EPB41L5: variants seen among roughly 807,000 people sequenced by gnomAD.
EPB41L5 encodes the protein erythrocyte membrane protein band 4.1 like 5, also known as band 4.1-like protein 5.
In EPB41L5, 55 loss-of-function variants were observed where a neutral mutation model predicts 106.6. The observed-to-expected ratio is 0.52, with a 90% CI of 0.42 to 0.65. The LOEUF (loss-of-function observed/expected upper bound fraction) is 0.65, where lower values mean the gene tolerates loss of function less well. Among genes scored for constraint, EPB41L5 ranks in the 30% least tolerant of loss-of-function variants. The probability of loss-of-function intolerance (pLI) is 0.00; values close to 1 mark genes in which losing one functional copy is unlikely to be tolerated. For missense variants in EPB41L5, 871 were observed against 882.1 expected, an observed-to-expected ratio of 0.99 and a Z score of 0.16; for synonymous variants, 297 against 306.7, an observed-to-expected ratio of 0.97 and a Z score of 0.33.
intron 20 of EPB41L5, among the ~76,000 whole-genome samples, chr2:120,159,854 G>A (rs967954083): frequency 6.6e-6 from 1 of 152,062 alleles, no homozygotes; most frequent in Non-Finnish European, 1.5e-5. Flanking sequence ...TTTAAAATGT[G>A]GTATGTACAC....
At chr2:120,077,960 G>A (rs1002026937) in intron 9 of EPB41L5, among the ~76,000 whole-genome samples, 3 of 151,262 alleles carry the variant, frequency 2.0e-5, no homozygotes, top group Non-Finnish European at 2.9e-5. Context: ...ATGGCTGGCA[G>A]GAGGGAGAGA....
At chr2:120,106,429 G>T in intron 16 of EPB41L5, 1 of 985,198 alleles carries the variant, frequency 1.0e-6, no homozygotes. Context: ...GTATTTATAA[G>T]TAGCTCAACC....
intron 11 of EPB41L5, among the ~76,000 whole-genome samples, chr2:120,089,805 C>T (rs1027652655): frequency 2.0e-5 from 3 of 151,964 alleles, no homozygotes; most frequent in East Asian, 1.9e-4. Context: ...AGTTCATTTC[C>T]GGTTTTCTTT....
intron 3 of EPB41L5, among the ~76,000 whole-genome samples, chr2:120,045,323 G>C (rs1679693861): frequency 6.6e-6 from 1 of 152,062 alleles, no homozygotes; most frequent in African/African-American, 2.4e-5. Context: ...CTTTTTATTA[G>C]ACTGGGTTAT....
chr2:120,019,055 C>CT, intron 1 of EPB41L5, 22 bp from the exon 2 acceptor site: 1 of 1,569,294 alleles, frequency 6.4e-7, no homozygotes, highest in Non-Finnish European at 8.6e-7. Flanking sequence ...CTGATGCCAT[C>CT]TTTTTCTCTC....
At chr2:120,040,195 G>A (rs1450893683) in intron 2 of EPB41L5, among the ~76,000 whole-genome samples, 4 of 151,958 alleles carry the variant, frequency 2.6e-5, no homozygotes, top group Admixed American at 1.3e-4. Flanking sequence ...AGAGGTTGAC[G>A]TCTAGAATTA....
At chr2:120,068,558 G>A (rs1463219383) in intron 3 of EPB41L5, among the ~76,000 whole-genome samples, 1 of 152,174 alleles carries the variant, frequency 6.6e-6, no homozygotes, top group Non-Finnish European at 1.5e-5. Flanking sequence ...TGAGTAGGCG[G>A]TTTTCCCCTC....
rs749366748 is a variant in EPB41L5 at position 120,091,644 on chromosome 2, G to A, written c.1133G>A (p.Arg378Gln). Residue 378 changes from arginine to glutamine, a missense_variant, in exon 13 of 25, where the codon CGA becomes CAA. By Grantham distance (43) the Arg-to-Gln change is conservative (BLOSUM62 1). Transcript: ENST00000263713. ...AGGCCCAGCAAACGATATTCTAGAC[G>A]AACTCTACAAATGAAAGGTGAAGTG... ...ERRPSKRYSR[R>Q]TLQMKACATK... 7.0e-5 allele frequency: 113 copies of A among 1,612,610 alleles called. No homozygotes were observed. The highest frequency in any genetic ancestry group is 8.7e-5 in the Non-Finnish European group (102 of 1,179,000).
intron 20 of EPB41L5, among the ~76,000 whole-genome samples, chr2:120,160,087 G>A (rs1687079090): frequency 6.6e-6 from 1 of 152,162 alleles, no homozygotes; most frequent in Non-Finnish European, 1.5e-5. Context: ...CAGGAGGAGG[G>A]AGAGGAGCAC....
chr2:120,146,088 A>G (rs948746486), intron 19 of EPB41L5, 137 bp from the exon 20 acceptor site: 24 of 592,050 alleles, frequency 4.1e-5, no homozygotes, highest in Non-Finnish European at 6.4e-5. Context: ...TGGTATTTCC[A>G]TAGATAAGGT....
intron 11 of EPB41L5, among the ~76,000 whole-genome samples, chr2:120,089,191 A>G (rs955983073): frequency 6.6e-6 from 1 of 152,122 alleles, no homozygotes; most frequent in Non-Finnish European, 1.5e-5. Context: ...AAGTACCAAA[A>G]ATTATAAAAT....
intron 18 of EPB41L5, among the ~76,000 whole-genome samples, chr2:120,138,583 A>G (rs1214744306): frequency 6.6e-6 from 1 of 152,100 alleles, no homozygotes; most frequent in Non-Finnish European, 1.5e-5. Context: ...TCCCATTTAC[A>G]ATAGCCACAA....
chr2:120,141,045 G>A (rs945994680), intron 18 of EPB41L5, among the ~76,000 whole-genome samples: 1 of 152,100 alleles, frequency 6.6e-6, no homozygotes, highest in African/African-American at 2.4e-5. Context: ...TAGCACTACT[G>A]ACAGCAGAGT....
At chr2:120,065,153 C>T in intron 3 of EPB41L5, among the ~76,000 whole-genome samples, 1 of 152,094 alleles carries the variant, frequency 6.6e-6, no homozygotes, top group South Asian at 2.1e-4. Flanking sequence ...GGGTCTTGTT[C>T]TGTCGCCCAG....
At chr2:120,147,690 G>A (rs996196195) in intron 20 of EPB41L5, among the ~76,000 whole-genome samples, 1 of 149,334 alleles carries the variant, frequency 6.7e-6, no homozygotes, top group Non-Finnish European at 1.5e-5. Flanking sequence ...AACATTTTTA[G>A]TACTATTGTT....
chr2:120,128,309 G>A (rs1397275054), intron 17 of EPB41L5, among the ~76,000 whole-genome samples: 1 of 142,852 alleles, frequency 7.0e-6, no homozygotes, highest in Non-Finnish European at 1.5e-5. Flanking sequence ...AGGTTAAAAG[G>A]AGACAGTAAA....
chr2:120,023,081 G>A (rs1678051457), intron 2 of EPB41L5, among the ~76,000 whole-genome samples: 1 of 151,932 alleles, frequency 6.6e-6, no homozygotes, highest in Non-Finnish European at 1.5e-5. Flanking sequence ...CTGGATATTA[G>A]CCCTTTGTCA....
intron 2 of EPB41L5, among the ~76,000 whole-genome samples, chr2:120,024,423 A>G (rs1446720748): frequency 6.6e-6 from 1 of 152,158 alleles, no homozygotes; most frequent in Non-Finnish European, 1.5e-5. Context: ...TCTTTTCTGC[A>G]TCTATTGAGA....
chr2:120,120,384 A>C (rs1401850797), intron 16 of EPB41L5, among the ~76,000 whole-genome samples: 1 of 136,842 alleles, frequency 7.3e-6, no homozygotes, highest in Non-Finnish European at 1.5e-5. Flanking sequence ...GTGAGCTCAG[A>C]TTGTGCCACT....
Sources: gnomAD v4.1 joint callset for allele counts (sites outside exome capture counted in the v4.1 genomes callset) on GRCh38, gnomAD v4.1.1 for gene constraint, MANE v1.5 for transcripts, NCBI Gene and HGNC (gene_info 2026-07-23, HGNC 2026-07-21) for gene names.